The following PPP4R2 variants were observed in gnomAD, a reference collection of about 807,000 sequenced individuals.
The protein encoded by PPP4R2 is serine/threonine-protein phosphatase 4 regulatory subunit 2.
A neutral mutation model predicts 47.2 loss-of-function variants in PPP4R2; 13 were observed. The ratio of observed to expected loss-of-function variants is 0.28; its 90% CI spans 0.18 to 0.44. The LOEUF (loss-of-function observed/expected upper bound fraction) is 0.44. Among genes scored for constraint, PPP4R2 ranks in the 20% least tolerant of loss-of-function variants. The pLI, the probability that PPP4R2 is intolerant of heterozygous loss-of-function variation, is 1.00. For missense variants in PPP4R2, 421 were observed against 491.2 expected (o/e 0.86, Z 1.35); for synonymous variants, 151 against 163.3 (o/e 0.92, Z 0.57).
chr3:73,029,272 A>G (rs961085188), intron 2 of PPP4R2, among the ~76,000 whole-genome samples: 1 of 152,230 alleles, frequency 6.6e-6, no homozygotes, highest in Non-Finnish European at 1.5e-5. Context: ...GAGAAGTGAC[A>G]CTATCAGACT....
intron 4 of PPP4R2, among the ~76,000 whole-genome samples, 188 bp from the exon 5 acceptor site, chr3:73,060,835 T>A (rs1702843253): frequency 6.6e-6 from 1 of 152,164 alleles, no homozygotes; most frequent in Non-Finnish European, 1.5e-5. Context: ...GATATTCTCT[T>A]TTGGTCCTTT....
At chr3:73,056,430 A>G (rs565889198) in intron 3 of PPP4R2, among the ~76,000 whole-genome samples, 52 of 152,348 alleles carry the variant, frequency 3.4e-4, no homozygotes, top group African/African-American at 1.2e-3. Context: ...GTCTGTATGT[A>G]AAGAGACCTT....
At chr3:73,065,243 A>G (rs1024518689) in intron 8 of PPP4R2, 102 bp downstream of exon 8, 3 of 1,340,946 alleles carry the variant, frequency 2.2e-6, no homozygotes, top group Admixed American at 5.6e-5. Flanking sequence ...ACTCCTTATA[A>G]TGCTGATGTT....
intron 2 of PPP4R2, 72 bp downstream of exon 2, chr3:72,998,230 G>C (rs1701391036): frequency 1.1e-6 from 1 of 914,372 alleles, no homozygotes; most frequent in Non-Finnish European, 1.7e-6. Flanking sequence ...AGGGAAAAAA[G>C]TATATTTTGG....
chr3:73,013,314 A>G (rs1297645420), intron 2 of PPP4R2, among the ~76,000 whole-genome samples: 13 of 152,138 alleles, frequency 8.5e-5, no homozygotes, highest in South Asian at 2.1e-4. Context: ...TGCTTTTTCT[A>G]TTTACATCTT....
chr3:73,003,155 C>T (rs1026732261), intron 2 of PPP4R2, among the ~76,000 whole-genome samples: 1 of 151,658 alleles, frequency 6.6e-6, no homozygotes, highest in Non-Finnish European at 1.5e-5. Flanking sequence ...TTCTAGCCCC[C>T]ATTTAAAAGT....
At position 73,002,019 on chromosome 3, in the gene PPP4R2, T is replaced by C. The variant is rs1352338836; in HGVS notation, c.116+3861T>C. On this transcript the variant is annotated intron_variant, in intron 2 of 8. Transcript: ENST00000356692. ...TTTATCTCTCCTGTTCCTTGCTCAGTCTCTAGTAATCATCAGTCTTTAGAC... is the reference window on the plus strand; with the variant it reads ...TTTATCTCTCCTGTTCCTTGCTCAGCCTCTAGTAATCATCAGTCTTTAGAC... Among the ~76,000 whole-genome samples, 61 of 133,432 alleles carry C rather than the reference T, an allele frequency of 4.6e-4. 1 individual carries two copies. The highest frequency in any genetic ancestry group is 4.1e-3 in the Admixed American group (57 of 13,768). 87.5% of individuals were successfully genotyped at this position (133,432 alleles called of 152,430 possible).
At chr3:73,003,956 T>C (rs1189709715) in intron 2 of PPP4R2, among the ~76,000 whole-genome samples, 4 of 152,226 alleles carry the variant, frequency 2.6e-5, no homozygotes, top group African/African-American at 9.6e-5. Context: ...TGTCTTGGCC[T>C]CCCAAAGTGC....
intron 5 of PPP4R2, chr3:73,062,368 G>T (rs762120367): frequency 6.2e-7 from 1 of 1,606,960 alleles, no homozygotes. Context: ...CCCCAACCCA[G>T]CATTGGGGAT....
intron 3 of PPP4R2, among the ~76,000 whole-genome samples, chr3:73,048,524 G>A (rs1702537530): frequency 6.6e-6 from 1 of 151,982 alleles, no homozygotes; most frequent in South Asian, 2.1e-4. Context: ...ACAGTGTTGG[G>A]ATTACAGGCG....
intron 3 of PPP4R2, among the ~76,000 whole-genome samples, chr3:73,056,343 T>C (rs1702731534): frequency 6.6e-6 from 1 of 152,230 alleles, no homozygotes; most frequent in African/African-American, 2.4e-5. Context: ...TACATGTCTT[T>C]TGACTGCTGT....
intron 2 of PPP4R2, among the ~76,000 whole-genome samples, chr3:73,040,997 T>C (rs894332772): frequency 2.1e-5 from 3 of 140,606 alleles, no homozygotes; most frequent in Non-Finnish European, 3.1e-5. Context: ...TGATGATGGT[T>C]GACTGCAGAT....
At chr3:73,060,327 C>T (rs1223964713) in intron 4 of PPP4R2, among the ~76,000 whole-genome samples, 1 of 152,158 alleles carries the variant, frequency 6.6e-6, no homozygotes, top group Non-Finnish European at 1.5e-5. Context: ...GTAATAATTA[C>T]ATTTTGGAGA....
chr3:73,021,224 TAAA>T (rs35425751), intron 2 of PPP4R2, among the ~76,000 whole-genome samples: 1 of 146,622 alleles, frequency 6.8e-6, no homozygotes, highest in African/African-American at 2.6e-5. Context: ...TTTATTTCAT[TAAA>T]AAAAAATTTT....
chr3:73,058,657 G>T (rs957993856), intron 3 of PPP4R2, among the ~76,000 whole-genome samples: 20 of 151,894 alleles, frequency 1.3e-4, no homozygotes, highest in Non-Finnish European at 2.9e-5. Flanking sequence ...TATGCTTTGT[G>T]TTACAAACAG....
intron 2 of PPP4R2, among the ~76,000 whole-genome samples, chr3:73,038,374 T>C (rs895676672): frequency 2.0e-5 from 3 of 152,062 alleles, no homozygotes; most frequent in Admixed American, 1.3e-4. Context: ...TTTTTTCTTT[T>C]TGTTTTTTCT....
At chr3:73,021,523 A>G (rs1011704261) in intron 2 of PPP4R2, among the ~76,000 whole-genome samples, 1 of 152,138 alleles carries the variant, frequency 6.6e-6, no homozygotes, top group African/African-American at 2.4e-5. Context: ...AGCATAAGCC[A>G]TCACGCCCAG....
intron 2 of PPP4R2, among the ~76,000 whole-genome samples, chr3:73,005,660 C>T (rs1435745016): frequency 6.6e-6 from 1 of 151,780 alleles, no homozygotes; most frequent in Non-Finnish European, 1.5e-5. Flanking sequence ...ACCAGCCTGA[C>T]CAACATGGAG....
Position 73,064,109 on chromosome 3 carries a change from G to C in PPP4R2, c.601G>C (p.Glu201Gln), listed in dbSNP as rs1249439927. ...NGLPESTDSKEANLQQNEEKN... is the reference protein window; with the variant it reads ...NGLPESTDSKQANLQQNEEKN... ...GTTGCCTGAGAGCACAGACAGCAAA[G>C]AGGCAAATTTGCAGCAAAATGAGGA... The change falls in exon 7 of 9, where the codon GAG becomes CAG. Residue 201 changes from glutamate (E) to glutamine (Q), a missense_variant. Physicochemically the swap from Glu to Gln is conservative, Grantham distance 29. Around this residue, in one of 2 missense-constraint regions of PPP4R2, gnomAD observed 317 missense variants for 287.5 expected, o/e 1.10. Coordinates refer to ENST00000356692, the MANE Select transcript of PPP4R2 (RefSeq NM_174907.4). The C allele has an allele frequency of 1.2e-6, 2 of 1,612,506 alleles. No individual in the cohort carries two copies. The highest frequency in any genetic ancestry group is 2.7e-5 in the African/African-American group (2 of 74,806).
Sources: gnomAD v4.1 joint callset for allele counts (sites outside exome capture counted in the v4.1 genomes callset) on GRCh38, gnomAD v4.1.1 for gene constraint, gnomAD v4.1.1 regional missense constraint, MANE v1.5 for transcripts, NCBI Gene and HGNC (gene_info 2026-07-23, HGNC 2026-07-21) for gene names.